The following HADHB variants were observed in gnomAD, a reference collection of about 807,000 sequenced individuals.
HADHB encodes hydroxyacyl-CoA dehydrogenase trifunctional multienzyme complex subunit beta.
A neutral mutation model predicts 61.9 loss-of-function variants in HADHB; 50 were observed. That is an observed-to-expected ratio of 0.81 (90% CI 0.64 to 1.02). HADHB has a LOEUF of 1.02. Among genes scored for constraint, HADHB ranks in the 50% least tolerant of loss-of-function variants. The pLI, the probability that HADHB is intolerant of heterozygous loss-of-function variation, is 0.00. For missense variants in HADHB, 504 were observed against 586.5 expected, an observed-to-expected ratio of 0.86 and a Z score of 1.45; for synonymous variants, 191 against 201.6, an observed-to-expected ratio of 0.95 and a Z score of 0.45.
At chr2:26,280,204 T>G in intron 10 of HADHB, 89 bp downstream of exon 10, 1 of 1,022,168 alleles carries the variant, frequency 9.8e-7, no homozygotes, top group Admixed American at 1.7e-5. Flanking sequence ...TTGTGTGTGT[T>G]ATGAATAGAG....
At chr2:26,253,880 A>G (rs1671504486) in intron 1 of HADHB, among the ~76,000 whole-genome samples, 1 of 150,328 alleles carries the variant, frequency 6.7e-6, no homozygotes, top group Non-Finnish European at 1.5e-5. Flanking sequence ...AAATAAATAA[A>G]TAAATAAATA....
chr2:26,273,522 A>G (rs537573759), intron 5 of HADHB, 129 bp from the exon 6 acceptor site: 233 of 684,890 alleles, frequency 3.4e-4, no homozygotes, highest in Middle Eastern at 7.1e-4. Flanking sequence ...CAAATTAAAG[A>G]AAAGATACAG....
At chr2:26,249,932 A>G (rs1230954886) in intron 1 of HADHB, among the ~76,000 whole-genome samples, 1 of 152,188 alleles carries the variant, frequency 6.6e-6, no homozygotes, top group African/African-American at 2.4e-5. Flanking sequence ...TAAGCCACAT[A>G]CAGCAGCTAC....
chr2:26,250,785 C>T (rs999881606), intron 1 of HADHB, among the ~76,000 whole-genome samples: 6 of 151,760 alleles, frequency 4.0e-5, no homozygotes, highest in African/African-American at 1.5e-4. Context: ...CATACCACTG[C>T]ACTACAGCTT....
At chr2:26,268,841 T>C (rs950642800) in intron 4 of HADHB, among the ~76,000 whole-genome samples, 1 of 152,086 alleles carries the variant, frequency 6.6e-6, no homozygotes, top group African/African-American at 2.4e-5. Flanking sequence ...ATGTAAGATG[T>C]CAGTATTAGA....
intron 15 of HADHB, among the ~76,000 whole-genome samples, chr2:26,285,926 C>G (rs1413788384): frequency 1.3e-5 from 2 of 151,434 alleles, no homozygotes; most frequent in African/African-American, 2.4e-5. Context: ...TTAGTAGAGA[C>G]AGAGTTTCGC....
At chr2:26,274,517 G>A (rs13023977) in intron 6 of HADHB, among the ~76,000 whole-genome samples, 37 of 152,292 alleles carry the variant, frequency 2.4e-4, no homozygotes, top group Non-Finnish European at 4.3e-4. Context: ...TATTTGTTCT[G>A]TTCCACCTCT....
At chr2:26,276,179 T>G (rs1672527984) in intron 6 of HADHB, among the ~76,000 whole-genome samples, 1 of 152,244 alleles carries the variant, frequency 6.6e-6, no homozygotes, top group Non-Finnish European at 1.5e-5. Context: ...TATAATAAAA[T>G]TATAGATGTG....
At chr2:26,265,462 G>A (rs540427664) in intron 4 of HADHB, among the ~76,000 whole-genome samples, 3 of 152,248 alleles carry the variant, frequency 2.0e-5, no homozygotes, top group Admixed American at 2.0e-4. Context: ...TAGGTGTGGT[G>A]GTGCATGCCT....
intron 15 of HADHB, among the ~76,000 whole-genome samples, chr2:26,287,375 C>T (rs1558363361): frequency 6.6e-6 from 1 of 152,184 alleles, no homozygotes; most frequent in Non-Finnish European, 1.5e-5. Context: ...AACCATGGTC[C>T]ATTAAGACTA....
intron 1 of HADHB, among the ~76,000 whole-genome samples, chr2:26,252,601 A>AT (rs1418603457): frequency 6.6e-6 from 1 of 152,142 alleles, no homozygotes; most frequent in Non-Finnish European, 1.5e-5. Context: ...CTGTACAGCT[A>AT]TTTTGCACCT....
intron 15 of HADHB, among the ~76,000 whole-genome samples, chr2:26,286,850 TTTTCTC>T (rs1558362954): frequency 6.6e-6 from 1 of 150,386 alleles, no homozygotes; most frequent in Admixed American, 6.6e-5. Flanking sequence ...TGTGAACAGA[TTTTCTC>T]TTCCTCTAGA....
intron 4 of HADHB, among the ~76,000 whole-genome samples, chr2:26,268,020 T>A (rs1384635227): frequency 6.6e-6 from 1 of 152,100 alleles, no homozygotes; most frequent in East Asian, 1.9e-4. Flanking sequence ...CAGACACCGG[T>A]AGTCCTACCT....
Position 26,255,193 on chromosome 2 carries a change from A to G in HADHB, c.109+719A>G, listed in dbSNP as rs560391765. On this transcript the variant is annotated intron_variant, in intron 3 of 15. Transcript: ENST00000317799. ...GTTTTATTATGGTATTTCTACCTGT[A>G]TAATAATAGAAAAAATACCTTCCAG... Among the ~76,000 whole-genome samples, 10 of 152,240 alleles carry G rather than the reference A, an allele frequency of 6.6e-5. No individual in the cohort carries two copies. The East Asian group carries it at 1.5e-3, about 24-fold the overall frequency.
At chr2:26,263,592 A>G in intron 4 of HADHB, 113 bp downstream of exon 4, 1 of 748,512 alleles carries the variant, frequency 1.3e-6, no homozygotes, top group Non-Finnish European at 2.4e-6. Context: ...TAATATTTGG[A>G]TAGCAGTCCC....
chr2:26,260,720 G>A (rs545193251), intron 3 of HADHB: 116 of 387,484 alleles, frequency 3.0e-4, no homozygotes, highest in Middle Eastern at 7.3e-4. Flanking sequence ...GAGAAGGTTT[G>A]TGTGTACTAC....
intron 1 of HADHB, among the ~76,000 whole-genome samples, chr2:26,248,056 TTCTC>T (rs1255798514): frequency 5.9e-5 from 9 of 151,982 alleles, no homozygotes; most frequent in African/African-American, 2.2e-4. Flanking sequence ...TCTTTTCTCT[TTCTC>T]TCTTTCTGTC....
intron 3 of HADHB, among the ~76,000 whole-genome samples, chr2:26,258,429 G>T (rs1194855953): frequency 6.6e-6 from 1 of 152,202 alleles, no homozygotes; most frequent in Non-Finnish European, 1.5e-5. Flanking sequence ...CGTTGAGCTC[G>T]ATTAGGACGA....
intron 15 of HADHB, 109 bp downstream of exon 15, chr2:26,285,680 G>A (rs1004218825): frequency 3.8e-6 from 3 of 794,572 alleles, no homozygotes; most frequent in East Asian, 2.7e-5. Context: ...TGATGACCTG[G>A]GGGTGGGGAG....
Sources: gnomAD v4.1 joint callset for allele counts (sites outside exome capture counted in the v4.1 genomes callset) on GRCh38, gnomAD v4.1.1 for gene constraint, MANE v1.5 for transcripts, NCBI Gene and HGNC (gene_info 2026-07-23, HGNC 2026-07-21) for gene names.